CNTNAP4: variants seen among roughly 807,000 people sequenced by gnomAD.
CNTNAP4 encodes contactin associated protein family member 4.
In CNTNAP4, 98 loss-of-function variants were observed where a neutral mutation model predicts 148.4. The observed-to-expected ratio is 0.66, with a 90% CI of 0.56 to 0.78. CNTNAP4 has a LOEUF of 0.78. CNTNAP4 is among the 30% of genes least tolerant of loss of function. The pLI, the probability that CNTNAP4 is intolerant of heterozygous loss-of-function variation, is 0.00. For synonymous variants in CNTNAP4, 730 were observed against 565.1 expected (o/e 1.29, Z -4.14); for missense variants, 1,935 against 1,565.6 (o/e 1.24, Z -3.98).
At chr16:76,473,851 G>A (rs201032353) in intron 10 of CNTNAP4, among the ~76,000 whole-genome samples, 1 of 120,350 alleles carries the variant, frequency 8.3e-6, no homozygotes, top group Non-Finnish European at 1.8e-5. Flanking sequence ...TTTTTTTTTT[G>A]TTTTGTTTTG....
chr16:76,521,198 C>G lies in CNTNAP4; in HGVS notation c.2424C>G (p.Thr808=), dbSNP rs954533684. 6.8e-6 allele frequency: 11 copies of G among 1,610,886 alleles called. No homozygotes were observed. Among genetic ancestry groups the G allele is most frequent in the Middle Eastern group, 1.6e-4 (1 of 6,076 alleles). Residue 808 remains threonine (T), a synonymous_variant, in exon 16 of 24, where the codon ACC becomes ACG. Coordinates refer to ENST00000611870, the MANE Select transcript of CNTNAP4 (RefSeq NM_033401.5). ...DTEASYLHFP[T]FHGELSADVS... Reference sequence around the variant, plus strand: ...AGGCTTCATATCTTCATTTTCCTACCTTCCACGGAGAACTTAGCGCGGATG... The same window carrying G: ...AGGCTTCATATCTTCATTTTCCTACGTTCCACGGAGAACTTAGCGCGGATG...
intron 3 of CNTNAP4, among the ~76,000 whole-genome samples, chr16:76,359,709 C>G (rs1013489790): frequency 6.6e-6 from 1 of 152,066 alleles, no homozygotes; most frequent in South Asian, 2.1e-4. Context: ...GAATGGCAAA[C>G]AAATATTTTA....
intron 1 of CNTNAP4, among the ~76,000 whole-genome samples, chr16:76,283,277 A>G (rs950594549): frequency 7.2e-5 from 11 of 152,010 alleles, no homozygotes; most frequent in African/African-American, 2.7e-4. Flanking sequence ...AATATTGTTC[A>G]CTAATGAATC....
At chr16:76,369,178 A>G (rs890787190) in intron 3 of CNTNAP4, among the ~76,000 whole-genome samples, 2 of 152,156 alleles carry the variant, frequency 1.3e-5, no homozygotes, top group African/African-American at 4.8e-5. Flanking sequence ...GAATGAAAAC[A>G]TTTGAAACTG....
Position 76,515,163 on chromosome 16 carries a change from G to C in CNTNAP4, c.2366-5977G>C, listed in dbSNP as rs188767072. Among the ~76,000 whole-genome samples the C allele has an allele frequency of 1.6e-3, 248 of 152,218 alleles. 1 individual carries two copies. Among genetic ancestry groups the C allele is most frequent in the African/African-American group, 5.2e-3 (215 of 41,544 alleles). On this transcript the variant is annotated intron_variant, in intron 15 of 23. Coordinates refer to ENST00000611870, the MANE Select transcript of CNTNAP4 (RefSeq NM_033401.5). ...GGAAGAAAAGTCAGGCTACAGACTG[G>C]TCAAAAAACAGTTGCAAACCACCTA...
At chr16:76,491,345 T>A (rs1486029164) in intron 13 of CNTNAP4, among the ~76,000 whole-genome samples, 1 of 152,200 alleles carries the variant, frequency 6.6e-6, no homozygotes, top group Non-Finnish European at 1.5e-5. Context: ...TAGGTGCATC[T>A]AGAACATAGA....
intron 3 of CNTNAP4, among the ~76,000 whole-genome samples, chr16:76,370,733 G>A (rs2014712422): frequency 6.6e-6 from 1 of 152,160 alleles, no homozygotes; most frequent in Non-Finnish European, 1.5e-5. Flanking sequence ...TTTGCTTATA[G>A]AAGAGGATGC....
intron 3 of CNTNAP4, among the ~76,000 whole-genome samples, chr16:76,360,670 G>T (rs1313467101): frequency 6.6e-6 from 1 of 152,160 alleles, no homozygotes; most frequent in Non-Finnish European, 1.5e-5. Flanking sequence ...TCTTTCAAGA[G>T]ACTGATCCAA....
At chr16:76,313,955 A>G (rs914547566) in intron 1 of CNTNAP4, among the ~76,000 whole-genome samples, 4 of 152,210 alleles carry the variant, frequency 2.6e-5, no homozygotes, top group African/African-American at 7.2e-5. Flanking sequence ...ATAAAATAAA[A>G]GGCAAATGCT....
At chr16:76,551,995 G>A (rs1019264489) in intron 21 of CNTNAP4, among the ~76,000 whole-genome samples, 1 of 152,138 alleles carries the variant, frequency 6.6e-6, no homozygotes, top group Non-Finnish European at 1.5e-5. Flanking sequence ...AATTTATAAA[G>A]GAAAGAGGTG....
At chr16:76,318,756 TATTC>T (rs1011790094) in intron 2 of CNTNAP4, among the ~76,000 whole-genome samples, 39 of 141,970 alleles carry the variant, frequency 2.7e-4, no homozygotes, top group Non-Finnish European at 9.0e-5. Context: ...ATCATAATAA[TATTC>T]ATAATAATAA....
intron 2 of CNTNAP4, among the ~76,000 whole-genome samples, chr16:76,326,678 C>A (rs1043544693): frequency 6.6e-6 from 1 of 151,940 alleles, no homozygotes; most frequent in African/African-American, 2.4e-5. Context: ...AACCATCATT[C>A]TCAGCAAACT....
chr16:76,438,714 C>T (rs1349000066), intron 4 of CNTNAP4, among the ~76,000 whole-genome samples: 2 of 152,014 alleles, frequency 1.3e-5, no homozygotes, highest in African/African-American at 4.8e-5. Flanking sequence ...AGGCCTCATC[C>T]CTCCCATACC....
chr16:76,544,325 C>T (rs571971715), intron 21 of CNTNAP4, among the ~76,000 whole-genome samples: 2 of 151,996 alleles, frequency 1.3e-5, no homozygotes, highest in South Asian at 2.1e-4. Context: ...TCTCCCCTCT[C>T]TTGAATTTTT....
chr16:76,546,033 C>CAAAA (rs34575100), intron 21 of CNTNAP4, among the ~76,000 whole-genome samples: 9 of 140,396 alleles, frequency 6.4e-5, no homozygotes, highest in Non-Finnish European at 1.2e-4. Flanking sequence ...GACTCCATTT[C>CAAAA]AAAAAAAAAA....
At chr16:76,304,595 T>C (rs1960291026) in intron 1 of CNTNAP4, among the ~76,000 whole-genome samples, 1 of 152,104 alleles carries the variant, frequency 6.6e-6, no homozygotes, top group Non-Finnish European at 1.5e-5. Flanking sequence ...TTGGGAGGGA[T>C]CCAGTTTTGT....
At chr16:76,523,089 G>A (rs931407124) in intron 17 of CNTNAP4, among the ~76,000 whole-genome samples, 1 of 151,854 alleles carries the variant, frequency 6.6e-6, no homozygotes, top group Non-Finnish European at 1.5e-5. Flanking sequence ...AATATTACAG[G>A]TTACATGATT....
chr16:76,306,355 G>A (rs1016784668), intron 1 of CNTNAP4, among the ~76,000 whole-genome samples: 6 of 152,128 alleles, frequency 3.9e-5, no homozygotes, highest in South Asian at 2.1e-4. Context: ...TTTCCACTGC[G>A]TATCAACAGT....
intron 15 of CNTNAP4, among the ~76,000 whole-genome samples, chr16:76,511,038 A>G (rs567185292): frequency 6.6e-6 from 1 of 152,276 alleles, no homozygotes; most frequent in African/African-American, 2.4e-5. Context: ...CTGGAAATAG[A>G]AGTGATGTGA....
Sources: allele counts gnomAD v4.1 joint callset (sites outside exome capture counted in the v4.1 genomes callset), GRCh38; gene constraint gnomAD v4.1.1; transcripts MANE v1.5; gene names NCBI Gene and HGNC (gene_info 2026-07-23, HGNC 2026-07-21).